The following BIRC6 variants were observed in gnomAD, a reference collection of about 807,000 sequenced individuals.
BIRC6 encodes dual E2 ubiquitin-conjugating enzyme/E3 ubiquitin-protein ligase BIRC6.
In BIRC6, 98 loss-of-function variants were observed where a neutral mutation model predicts 503.3. The ratio of observed to expected loss-of-function variants is 0.19; its 90% CI spans 0.17 to 0.23. The LOEUF is 0.23. BIRC6 is among the 10% of genes least tolerant of loss of function. The pLI, the probability that BIRC6 is intolerant of heterozygous loss-of-function variation, is 1.00. For synonymous variants in BIRC6, 2,240 were observed against 2,078.7 expected (o/e 1.08, Z -2.11); for missense variants, 5,360 against 5,806.0 (o/e 0.92, Z 2.50).
rs1036975130 is a variant in BIRC6, at chr2:32,473,917, C to G, written c.6720+678C>G. On this transcript the variant is annotated intron_variant, in intron 33 of 73. Transcript: ENST00000421745. The stretch of plus-strand genomic sequence containing the variant: ...TACAGCTGTGTGCCACAGTGCCAGG[C>G]TAATTTGTAAATTGTTTCTTGTAGA... 8.6e-5 allele frequency among the ~76,000 whole-genome samples: 13 copies of G among 151,846 alleles called. No homozygotes were observed. In the South Asian group the frequency reaches 2.7e-3, roughly 32 times the overall value.
At chr2:32,500,731 A>C (rs2053085112) in intron 46 of BIRC6, among the ~76,000 whole-genome samples, 1 of 147,074 alleles carries the variant, frequency 6.8e-6, no homozygotes, top group Admixed American at 6.9e-5. Context: ...TCAGCCTCCC[A>C]AGTAGCTGGG....
chr2:32,440,983 A>C (rs1459168318), intron 16 of BIRC6, among the ~76,000 whole-genome samples: 2 of 151,570 alleles, frequency 1.3e-5, no homozygotes, highest in Non-Finnish European at 2.9e-5. Flanking sequence ...CTGTTCTCGA[A>C]CTCCTGAGTT....
At chr2:32,451,328 A>G (rs1279806738) in intron 22 of BIRC6, among the ~76,000 whole-genome samples, 2 of 152,050 alleles carry the variant, frequency 1.3e-5, no homozygotes, top group East Asian at 1.9e-4. Context: ...GTGATTCTCA[A>G]AGTGTGTTCT....
At chr2:32,441,238 T>C in intron 16 of BIRC6, 91 bp from the exon 17 acceptor site, 1 of 944,420 alleles carries the variant, frequency 1.1e-6, no homozygotes, top group Non-Finnish European at 1.6e-6. Context: ...TGGCCACAAT[T>C]CAGTTATTTT....
At position 32,465,127 on chromosome 2, in the gene BIRC6, G is replaced by T; in HGVS notation, c.5319G>T (p.Pro1773=). 2 of 1,596,246 alleles carry T rather than the reference G, an allele frequency of 1.3e-6. No individual in the cohort carries two copies. The highest frequency in any genetic ancestry group is 1.7e-6 in the Non-Finnish European group (2 of 1,171,592). The stretch of plus-strand genomic sequence containing the variant: ...ATGCTTCACATTTTCTTCAACCTCC[G>T]CCTCACCAGTCCATTATTATAGAGC... ...ISHASHFLQP[P]PHQSIIIERM... is the part of the protein sequence containing the mutation. Residue 1773 remains proline (P), a synonymous_variant, in exon 26 of 74, where the codon CCG becomes CCT. Transcript: ENST00000421745.
chr2:32,414,439 G>T (rs1470794285), intron 9 of BIRC6, among the ~76,000 whole-genome samples: 2 of 152,136 alleles, frequency 1.3e-5, no homozygotes, highest in African/African-American at 4.8e-5. Context: ...GGCTGAGGTG[G>T]GTGGATCACC....
intron 65 of BIRC6, among the ~76,000 whole-genome samples, chr2:32,559,262 T>C (rs1329432431): frequency 6.6e-6 from 1 of 152,220 alleles, no homozygotes; most frequent in Non-Finnish European, 1.5e-5. Context: ...GGAAGGATAG[T>C]GACTTCACTT....
chr2:32,551,500 C>T (rs117559783), intron 65 of BIRC6, among the ~76,000 whole-genome samples: 2 of 152,118 alleles, frequency 1.3e-5, no homozygotes, highest in African/African-American at 4.8e-5. Flanking sequence ...CCAGGCTGGT[C>T]TCAAATCCTG....
intron 37 of BIRC6, 131 bp from the exon 38 acceptor site, chr2:32,481,189 C>A: frequency 2.7e-6 from 2 of 740,628 alleles, no homozygotes; most frequent in African/African-American, 1.8e-5. Context: ...GAAATGTTTG[C>A]ATACATAGAG....
chr2:32,486,958 C>T (rs188993744), intron 40 of BIRC6, among the ~76,000 whole-genome samples: 79 of 151,738 alleles, frequency 5.2e-4, no homozygotes, highest in African/African-American at 1.9e-3. Context: ...TTAGACATTT[C>T]TTATTTAAAA....
rs1432761409 is a variant in BIRC6, at chr2:32,518,277, A to G, written c.11373A>G (p.Thr3791=). ...AGGTTCTTTGTGAACTATTTCAGACATCTCCTCAAAGAGGGAACCTTCCAA... is the reference window on the plus strand; with the variant it reads ...AGGTTCTTTGTGAACTATTTCAGACGTCTCCTCAAAGAGGGAACCTTCCAA... ...MAQVLCELFQ[T]SPQRGNLPTS... Residue 3791 remains threonine, a synonymous_variant, in exon 56 of 74, where the codon ACA becomes ACG. Coordinates refer to ENST00000421745, the MANE Select transcript of BIRC6 (RefSeq NM_016252.4). 13 of 1,613,146 alleles carry G rather than the reference A, an allele frequency of 8.1e-6. No homozygotes were observed. Among genetic ancestry groups the G allele is most frequent in the South Asian group, 1.1e-5 (1 of 90,924 alleles).
At chr2:32,502,747 T>G (rs774962173) in intron 47 of BIRC6, 48 bp from the exon 48 acceptor site, 1 of 1,425,306 alleles carries the variant, frequency 7.0e-7, no homozygotes, top group Non-Finnish European at 9.7e-7. Context: ...GTTTAGTTCT[T>G]ATTCACAGGA....
chr2:32,582,840 A>G (rs2060773737), intron 66 of BIRC6, among the ~76,000 whole-genome samples: 1 of 152,226 alleles, frequency 6.6e-6, no homozygotes, highest in Admixed American at 6.5e-5. Flanking sequence ...ATTTTCTTTT[A>G]TGTCTTGTAG....
At chr2:32,462,908 T>G (rs1212701826) in intron 23 of BIRC6, among the ~76,000 whole-genome samples, 4 of 145,028 alleles carry the variant, frequency 2.8e-5, no homozygotes, top group African/African-American at 5.2e-5. Flanking sequence ...TGAACCAAGA[T>G]CACGCCGCTG....
At chr2:32,556,255 T>C in intron 65 of BIRC6, among the ~76,000 whole-genome samples, 1 of 152,242 alleles carries the variant, frequency 6.6e-6, no homozygotes, top group Admixed American at 6.5e-5. Flanking sequence ...TGGTAAGTTT[T>C]ATAAGGGGAG....
intron 53 of BIRC6, 151 bp from the exon 54 acceptor site, chr2:32,512,782 T>C: frequency 4.7e-6 from 3 of 633,212 alleles, no homozygotes; most frequent in South Asian, 2.0e-5. Flanking sequence ...AGAGATTTCC[T>C]TTTTTTCCTA....
At chr2:32,463,504 T>G in intron 24 of BIRC6, 123 bp downstream of exon 24, 1 of 934,146 alleles carries the variant, frequency 1.1e-6, no homozygotes, top group Non-Finnish European at 1.5e-6. Context: ...CTAATCAGTT[T>G]CAACAAAAAT....
chr2:32,405,651 A>G (rs968659577), intron 8 of BIRC6, among the ~76,000 whole-genome samples: 1 of 152,204 alleles, frequency 6.6e-6, no homozygotes, highest in Non-Finnish European at 1.5e-5. Flanking sequence ...CTGAGTTGTC[A>G]TAGTTTTCCT....
rs773471803 is a variant in BIRC6 at position 32,467,724 on chromosome 2, G to GGTA, written c.5556_5557insGTA (p.Val1852dup). The GGTA allele has an allele frequency of 6.2e-7, 1 of 1,613,008 alleles. No individual in the cohort carries two copies. Among genetic ancestry groups the GGTA allele is most frequent in the East Asian group, 2.2e-5 (1 of 44,862 alleles). The stretch of plus-strand genomic sequence containing the variant: ...TTCATGACTTAATACCACCTCCCGT[G>GGTA]TGCAGATTCATGAAGGTAAAGAACT... On this transcript the variant is annotated inframe_insertion, in exon 27 of 74. Transcript: ENST00000421745.
Sources: gnomAD v4.1 joint callset for allele counts (sites outside exome capture counted in the v4.1 genomes callset) on GRCh38, gnomAD v4.1.1 for gene constraint, MANE v1.5 for transcripts, NCBI Gene and HGNC (gene_info 2026-07-23, HGNC 2026-07-21) for gene names.